The following LARS2 variants were observed in gnomAD, a reference collection of about 807,000 sequenced individuals.
The protein encoded by LARS2 is leucine--tRNA ligase, mitochondrial.
A neutral mutation model predicts 116.6 loss-of-function variants in LARS2; 81 were observed. The ratio of observed to expected loss-of-function variants is 0.69; its 90% CI spans 0.58 to 0.84. The LOEUF (loss-of-function observed/expected upper bound fraction) is 0.84, where lower values mean the gene tolerates loss of function less well. Ranked by LOEUF, LARS2 falls within the 40% of genes least tolerant of loss-of-function variation. The probability of loss-of-function intolerance (pLI) is 0.00; values close to 1 mark genes in which losing one functional copy is unlikely to be tolerated. For synonymous variants in LARS2, 396 were observed against 407.2 expected (o/e 0.97, Z 0.33); for missense variants, 968 against 1,114.5 (o/e 0.87, Z 1.87).
At chr3:45,451,081 C>G (rs1559473455) in intron 7 of LARS2, among the ~76,000 whole-genome samples, 2 of 151,860 alleles carry the variant, frequency 1.3e-5, no homozygotes, top group Non-Finnish European at 2.9e-5. Flanking sequence ...GTTTGGATTC[C>G]TTATATATTC....
intron 14 of LARS2, among the ~76,000 whole-genome samples, chr3:45,499,999 T>TTGTC (rs1700092531): frequency 1.3e-5 from 2 of 152,080 alleles, no homozygotes; most frequent in Admixed American, 1.3e-4. Context: ...GTTTGTTTGT[T>TTGTC]TGTTTGTCTG....
chr3:45,533,207 G>A (rs1388984228), intron 20 of LARS2, among the ~76,000 whole-genome samples: 1 of 120,284 alleles, frequency 8.3e-6, no homozygotes, highest in African/African-American at 3.1e-5. Flanking sequence ...CTGGAGTGCA[G>A]TGGCGCGATC....
At chr3:45,459,241 G>C (rs1487814429) in intron 8 of LARS2, among the ~76,000 whole-genome samples, 1 of 152,226 alleles carries the variant, frequency 6.6e-6, no homozygotes, top group East Asian at 1.9e-4. Context: ...GTCTTCAACT[G>C]TGTAGTTCTG....
intron 20 of LARS2, among the ~76,000 whole-genome samples, chr3:45,531,106 G>A (rs1700607512): frequency 6.6e-6 from 1 of 151,976 alleles, no homozygotes; most frequent in African/African-American, 2.4e-5. Flanking sequence ...TTTTTCTTCT[G>A]TAAAACCACA....
At chr3:45,498,403 C>T (rs1165708726) in intron 14 of LARS2, among the ~76,000 whole-genome samples, 1 of 152,246 alleles carries the variant, frequency 6.6e-6, no homozygotes, top group Non-Finnish European at 1.5e-5. Context: ...CAAATACCAT[C>T]CTTCACTTTC....
At chr3:45,544,869 T>C (rs899828846) in intron 21 of LARS2, among the ~76,000 whole-genome samples, 4 of 151,636 alleles carry the variant, frequency 2.6e-5, no homozygotes, top group Admixed American at 6.6e-5. Context: ...GGAACAAACA[T>C]AGGGGGGCAG....
rs772971610 is a variant in LARS2, at chr3:45,476,636, G to T, written c.1018+9G>T. 10 of 1,613,858 alleles carry T rather than the reference G, an allele frequency of 6.2e-6. No homozygotes were observed. The highest frequency in any genetic ancestry group is 8.5e-6 in the Non-Finnish European group (10 of 1,179,792). On this transcript the variant is annotated intron_variant, in intron 10 of 21. Coordinates refer to ENST00000645846, the MANE Select transcript of LARS2 (RefSeq NM_015340.4). The stretch of plus-strand genomic sequence containing the variant: ...CCTTGTCCCTGGCAAAGGTGAGCTG[G>T]CAAGTTAACGGCTCAGGTGGTAGGA...
At chr3:45,545,521 CAG>C (rs951592224) in intron 21 of LARS2, among the ~76,000 whole-genome samples, 5 of 152,222 alleles carry the variant, frequency 3.3e-5, no homozygotes, top group Admixed American at 6.5e-5. Context: ...ATGCCAGAGA[CAG>C]GGGGAGCATG....
chr3:45,522,254 A>G (rs1291809905), intron 19 of LARS2, among the ~76,000 whole-genome samples: 1 of 152,226 alleles, frequency 6.6e-6, no homozygotes, highest in Non-Finnish European at 1.5e-5. Context: ...CCTCTGATCC[A>G]GGAGTGTTCA....
chr3:45,524,823 G>A lies in LARS2; in HGVS notation c.2404+715G>A, dbSNP rs187357226. Among the ~76,000 whole-genome samples, 680 of 152,310 alleles carry A rather than the reference G, an allele frequency of 4.5e-3. 4 individuals are homozygous for A. Among genetic ancestry groups the A allele is most frequent in the Non-Finnish European group, 8.0e-3 (541 of 68,028 alleles). The stretch of plus-strand genomic sequence containing the variant: ...ATCTCTCCTAATTAAATTTACTGAT[G>A]TGGTGTCACAGAGAAGAAATGCATG... On this transcript the variant is annotated intron_variant, in intron 20 of 21. Coordinates refer to ENST00000645846, the MANE Select transcript of LARS2 (RefSeq NM_015340.4).
intron 2 of LARS2, 22 bp from the exon 3 acceptor site, chr3:45,394,411 T>A: frequency 7.0e-7 from 1 of 1,435,102 alleles, no homozygotes; most frequent in South Asian, 1.2e-5. Flanking sequence ...GCTCATAGTG[T>A]GCTTTCTGCC....
At position 45,462,427 on chromosome 3, in the gene LARS2, A is replaced by AG. The variant is rs1559477070; in HGVS notation, c.750+3541_750+3542insG. Among the ~76,000 whole-genome samples, 144 of 151,580 alleles carry AG rather than the reference A, an allele frequency of 9.5e-4. 1 individual carries two copies. In the Middle Eastern group the frequency reaches 0.01, roughly 11 times the overall value. The stretch of plus-strand genomic sequence containing the variant: ...GAGACCCCAATTTCTACCAAAAAAA[A>AG]AAAAAGAAAGAAAGAAAGAAAGAAG... On this transcript the variant is annotated intron_variant, in intron 8 of 21. Coordinates refer to ENST00000645846, the MANE Select transcript of LARS2 (RefSeq NM_015340.4).
chr3:45,507,115 G>A (rs1297036815), intron 15 of LARS2: 5 of 151,798 alleles, frequency 3.3e-5, no homozygotes, highest in South Asian at 2.1e-4. Context: ...AAATGTTTCC[G>A]TCCCAGCACG....
At chr3:45,535,970 A>T (rs1166300232) in intron 20 of LARS2, among the ~76,000 whole-genome samples, 1 of 152,178 alleles carries the variant, frequency 6.6e-6, no homozygotes, top group Admixed American at 6.5e-5. Flanking sequence ...CTGTGAATCT[A>T]TAATTATTGC....
At chr3:45,461,885 T>C (rs1463304821) in intron 8 of LARS2, among the ~76,000 whole-genome samples, 1 of 152,188 alleles carries the variant, frequency 6.6e-6, no homozygotes, top group Non-Finnish European at 1.5e-5. Context: ...GGCCAGGAGA[T>C]ATTTGAGTAG....
intron 7 of LARS2, among the ~76,000 whole-genome samples, chr3:45,447,533 T>TTC (rs559671367): frequency 2.6e-5 from 3 of 113,728 alleles, no homozygotes; most frequent in Admixed American, 9.2e-5. Flanking sequence ...TTCAGCCAAA[T>TTC]TCTCTGTGTG....
In LARS2 at chr3:45,547,468, A is replaced by G; in HGVS notation, c.2650A>G (p.Ser884Gly). ...GGGTGTCAGGCTTTTGCAAGGACGA[A>G]GCATCAAGAAGTCCTTCCTTTCCCC... ...ELGVRLLQGRSIKKSFLSPRT... is the reference protein window; with the variant it reads ...ELGVRLLQGRGIKKSFLSPRT... The change falls in exon 22 of 22, where the codon AGC becomes GGC. Residue 884 changes from serine (S) to glycine (G), a missense_variant. By Grantham distance (56) the Ser-to-Gly change is moderately conservative (BLOSUM62 0). Coordinates refer to ENST00000645846, the MANE Select transcript of LARS2 (RefSeq NM_015340.4). The G allele has an allele frequency of 6.2e-7, 1 of 1,613,768 alleles. No homozygotes were observed. The highest frequency in any genetic ancestry group is 8.5e-7 in the Non-Finnish European group (1 of 1,179,866).
intron 8 of LARS2, among the ~76,000 whole-genome samples, chr3:45,466,684 A>G (rs1050828560): frequency 2.6e-5 from 4 of 151,954 alleles, no homozygotes; most frequent in African/African-American, 9.7e-5. Flanking sequence ...CCAGAACCCA[A>G]CTTGGGTCTC....
intron 12 of LARS2, among the ~76,000 whole-genome samples, chr3:45,490,154 C>T (rs1483891526): frequency 1.3e-5 from 2 of 152,136 alleles, no homozygotes; most frequent in East Asian, 3.8e-4. Context: ...AAGATATGGA[C>T]CCTTAGGCCT....
Sources: gnomAD v4.1 joint callset for allele counts (sites outside exome capture counted in the v4.1 genomes callset) on GRCh38, gnomAD v4.1.1 for gene constraint, MANE v1.5 for transcripts, NCBI Gene and HGNC (gene_info 2026-07-23, HGNC 2026-07-21) for gene names.